SMC4: variants seen among roughly 807,000 people sequenced by gnomAD.
SMC4 encodes the protein structural maintenance of chromosomes protein 4.
In SMC4, 87 loss-of-function variants were observed where a neutral mutation model predicts 145.6. The observed-to-expected ratio is 0.60, with a 90% CI of 0.50 to 0.71. The LOEUF (loss-of-function observed/expected upper bound fraction) is 0.71, where lower values mean the gene tolerates loss of function less well. Ranked by LOEUF, SMC4 falls within the 30% of genes least tolerant of loss-of-function variation. The pLI is 0.00. For synonymous variants in SMC4, 558 were observed against 500.7 expected, an observed-to-expected ratio of 1.11 and a Z score of -1.53; for missense variants, 1,447 against 1,537.1, an observed-to-expected ratio of 0.94 and a Z score of 0.98.
rs1717750965 is a variant in SMC4, at chr3:160,426,015, T to A, written c.2479-59T>A. ...GATTTTAAGTGCCCTTTTTAAAAATTCACAATGTTTAAAGCAAATGTTAAA... is the reference window on the plus strand; with the variant it reads ...GATTTTAAGTGCCCTTTTTAAAAATACACAATGTTTAAAGCAAATGTTAAA... On this transcript the variant is annotated intron_variant, in intron 16 of 23. Coordinates refer to ENST00000357388, the MANE Select transcript of SMC4 (RefSeq NM_001002800.3). 6 of 1,356,782 alleles carry A rather than the reference T, an allele frequency of 4.4e-6. No homozygotes were observed. The Admixed American group carries it at 7.1e-5, about 16-fold the overall frequency. The allele number at this position is 1,356,782 out of a possible 1,614,324, so 84.0% of individuals were successfully genotyped here. A position where few individuals can be genotyped will look rare whatever the true frequency, so the allele number is the denominator to read the frequency against.
intron 5 of SMC4, among the ~76,000 whole-genome samples, chr3:160,407,815 G>A (rs4679883): frequency 0.14 from 21,936 of 152,136 alleles, 2,134 homozygotes; most frequent in Non-Finnish European, 0.21. Flanking sequence ...CAACTAGGGT[G>A]AAGGTGGTGG....
intron 7 of SMC4, chr3:160,412,901 T>G (rs1716166437): frequency 4.1e-6 from 3 of 735,856 alleles, no homozygotes; most frequent in Non-Finnish European, 5.0e-6. Context: ...GTGTGCACTT[T>G]TTAAAATTCG....
intron 7 of SMC4, among the ~76,000 whole-genome samples, chr3:160,413,097 G>A (rs1386595486): frequency 6.6e-6 from 1 of 151,684 alleles, no homozygotes; most frequent in African/African-American, 2.4e-5. Context: ...AACACACCTG[G>A]CTAATTATTA....
chr3:160,432,337 GAC>G lies in SMC4; in HGVS notation c.3354_3355del (p.Asp1118GlufsTer3), dbSNP rs1310716639. 6 of 1,613,164 alleles carry G rather than the reference GAC, an allele frequency of 3.7e-6. No homozygotes were observed. The highest frequency in any genetic ancestry group is 5.1e-6 in the Non-Finnish European group (6 of 1,179,758). On this transcript the variant is annotated frameshift_variant, in exon 22 of 24. Transcript: ENST00000357388. LOFTEE classifies it high-confidence loss of function. ...AELDKITYER[D>X]SFRQAYEDLR... Reference sequence around the variant, plus strand: ...ATTGGACAAAATTACTTATGAAAGAGACAGTTTTAGACAGGCATATGAAGATC... The same window carrying G: ...ATTGGACAAAATTACTTATGAAAGAGAGTTTTAGACAGGCATATGAAGATC...
intron 5 of SMC4, among the ~76,000 whole-genome samples, chr3:160,409,905 A>C (rs1715790229): frequency 6.6e-6 from 1 of 151,966 alleles, no homozygotes; most frequent in South Asian, 2.1e-4. Flanking sequence ...CCATGTGTAC[A>C]AAAAAAATTT....
chr3:160,422,155 C>T lies in SMC4; in HGVS notation c.2019+1254C>T, dbSNP rs138846047. Reference sequence around the variant, plus strand: ...TTGTGCTTTGGCAATACTTGTGCTACGAACATTTGTGTACAAGTTTTTGAG... The same window carrying T: ...TTGTGCTTTGGCAATACTTGTGCTATGAACATTTGTGTACAAGTTTTTGAG... On this transcript the variant is annotated intron_variant, in intron 13 of 23. Transcript: ENST00000357388. Among the ~76,000 whole-genome samples, 601 of 152,286 alleles carry T rather than the reference C, an allele frequency of 3.9e-3. 2 individuals are homozygous for T. The highest frequency in any genetic ancestry group is 0.024 in the East Asian group (125 of 5,184).
chr3:160,428,821 G>C lies in SMC4; in HGVS notation c.2674G>C (p.Val892Leu). The change falls in exon 18 of 24, where the codon GTA (valine) becomes CTA (leucine). Residue 892 changes from valine (V) to leucine (L), a missense_variant. By Grantham distance (32) the Val-to-Leu change is conservative (BLOSUM62 1). Transcript: ENST00000357388. The stretch of plus-strand genomic sequence containing the variant: ...GGTTAAACGCTTACACAATACCATC[G>C]TAGAAATCAATAATCATAAACTCAA... ...AEVKRLHNTI[V>L]EINNHKLKAQ... 2 of 1,607,936 alleles carry C rather than the reference G, an allele frequency of 1.2e-6. No homozygotes were observed. The highest frequency in any genetic ancestry group is 1.7e-6 in the Non-Finnish European group (2 of 1,178,716).
rs570959915 is a variant in SMC4 at position 160,417,489 on chromosome 3, G to A, written c.1438-234G>A. 76 of 498,758 alleles carry A rather than the reference G, an allele frequency of 1.5e-4. 2 individuals carry two copies. The South Asian group carries it at 1.6e-3, about 10-fold the overall frequency. 30.9% of individuals were successfully genotyped at this position (498,758 alleles called of 1,614,324 possible). ...GCCTCAAATGTCTTTATTCCTCAGC[G>A]TAATGATCGATCTCACAAAGCTCTT... On this transcript the variant is annotated intron_variant, in intron 10 of 23. Coordinates refer to ENST00000357388, the MANE Select transcript of SMC4 (RefSeq NM_001002800.3).
At chr3:160,423,973 A>C in intron 15 of SMC4, 133 bp downstream of exon 15, 5 of 542,466 alleles carry the variant, frequency 9.2e-6, no homozygotes, top group Non-Finnish European at 1.6e-5. Context: ...TTTTCTATAA[A>C]TGACTAGGGA....
chr3:160,422,661 C>A (rs1717306360), intron 13 of SMC4, among the ~76,000 whole-genome samples: 1 of 152,094 alleles, frequency 6.6e-6, no homozygotes, highest in South Asian at 2.1e-4. Context: ...TCCTTTGAGG[C>A]ACAATTTATC....
At chr3:160,420,504 C>G (rs972807958) in intron 12 of SMC4, 3 of 415,672 alleles carry the variant, frequency 7.2e-6, no homozygotes, top group Non-Finnish European at 1.3e-5. Flanking sequence ...AGGTTTTAAG[C>G]TTCATGTTGT....
chr3:160,414,684 T>C, intron 9 of SMC4, 167 bp downstream of exon 9: 1 of 739,312 alleles, frequency 1.4e-6, no homozygotes, highest in South Asian at 1.8e-5. Context: ...ACCTTGCTTC[T>C]ACTGACTTTA....
intron 15 of SMC4, among the ~76,000 whole-genome samples, chr3:160,424,409 A>T (rs1478781178): frequency 6.6e-6 from 1 of 152,196 alleles, no homozygotes; most frequent in Non-Finnish European, 1.5e-5. Flanking sequence ...TACAACACTT[A>T]GTTACCTTTC....
chr3:160,406,825 C>A (rs1352013235), intron 5 of SMC4, among the ~76,000 whole-genome samples: 1 of 152,078 alleles, frequency 6.6e-6, no homozygotes, highest in Non-Finnish European at 1.5e-5. Flanking sequence ...AATTGAATTC[C>A]TATTAAGGCA....
At chr3:160,407,008 T>A (rs954483200) in intron 5 of SMC4, among the ~76,000 whole-genome samples, 1 of 152,218 alleles carries the variant, frequency 6.6e-6, no homozygotes, top group African/African-American at 2.4e-5. Context: ...TGTAAGTCTG[T>A]ACAAGTAGAG....
intron 14 of SMC4, 44 bp from the exon 15 acceptor site, chr3:160,423,717 G>C (rs1210081820): frequency 1.9e-6 from 3 of 1,601,142 alleles, no homozygotes; most frequent in Non-Finnish European, 2.6e-6. Flanking sequence ...ATTTAATCTT[G>C]TTGGGGAGAC....
rs1272571471 is a variant in SMC4, at chr3:160,423,530, T to C, written c.2125T>C (p.Tyr709His). 4 of 1,613,948 alleles carry C rather than the reference T, an allele frequency of 2.5e-6. No homozygotes were observed. Among genetic ancestry groups the C allele is most frequent in the Non-Finnish European group, 3.4e-6 (4 of 1,179,894 alleles). ...VKDEKIRQAF[Y>H]FALRDTLVAD... ...AGATGAGAAAATTCGCCAAGCTTTT[T>C]ATTTTGCTTTACGAGATACCTTAGT... The change falls in exon 14 of 24, where the codon TAT becomes CAT. Residue 709 changes from tyrosine (Y) to histidine (H), a missense_variant. Tyr to His is a moderately conservative substitution (Grantham distance 83, BLOSUM62 2). Transcript: ENST00000357388.
At chr3:160,408,426 T>C (rs977338790) in intron 5 of SMC4, among the ~76,000 whole-genome samples, 1 of 152,192 alleles carries the variant, frequency 6.6e-6, no homozygotes, top group African/African-American at 2.4e-5. Flanking sequence ...ATAACAGTGG[T>C]GGGAAAAATC....
At chr3:160,399,902 C>G (rs1220090920) in intron 1 of SMC4, 153 bp downstream of exon 1, 1 of 152,274 alleles carries the variant, frequency 6.6e-6, no homozygotes, top group Non-Finnish European at 1.5e-5. Context: ...CCTCCCCCCT[C>G]GGCCGCTCCC....
Sources: allele counts gnomAD v4.1 joint callset (sites outside exome capture counted in the v4.1 genomes callset), GRCh38; gene constraint gnomAD v4.1.1; transcripts MANE v1.5; gene names NCBI Gene and HGNC (gene_info 2026-07-23, HGNC 2026-07-21).